The following GRID1 variants were observed in gnomAD, a reference collection of about 807,000 sequenced individuals.
GRID1 encodes glutamate receptor ionotropic, delta-1.
GRID1 carries 28 observed loss-of-function variants against 98.0 expected under a neutral mutation model. That is an observed-to-expected ratio of 0.29 (90% confidence interval 0.21 to 0.39). The LOEUF is 0.39. Ranked by LOEUF, GRID1 falls within the 10% of genes least tolerant of loss-of-function variation. The probability of loss-of-function intolerance (pLI) is 1.00; values close to 1 mark genes in which losing one functional copy is unlikely to be tolerated. For missense variants in GRID1, 1,111 were observed against 1,340.5 expected, an observed-to-expected ratio of 0.83 and a Z score of 2.67; for synonymous variants, 553 against 538.5, an observed-to-expected ratio of 1.03 and a Z score of -0.37.
intron 12 of GRID1, among the ~76,000 whole-genome samples, chr10:85,654,395 A>T (rs1840870108): frequency 6.6e-6 from 1 of 152,380 alleles, no homozygotes; most frequent in Middle Eastern, 3.4e-3. Context: ...AATGCCTGCA[A>T]GACTTCCACT....
chr10:86,066,762 G>T (rs1302283885), intron 4 of GRID1, among the ~76,000 whole-genome samples: 1 of 152,200 alleles, frequency 6.6e-6, no homozygotes, highest in African/African-American at 2.4e-5. Context: ...GGCTCTGTGT[G>T]CTCTTTCCTG....
chr10:86,257,805 C>T (rs1332255302), intron 2 of GRID1, among the ~76,000 whole-genome samples: 1 of 152,164 alleles, frequency 6.6e-6, no homozygotes, highest in African/African-American at 2.4e-5. Context: ...GTGAAGATGA[C>T]ATGAGCGCCA....
intron 4 of GRID1, among the ~76,000 whole-genome samples, chr10:85,960,354 C>T (rs192572544): frequency 2.0e-5 from 3 of 152,372 alleles, no homozygotes; most frequent in African/African-American, 7.2e-5. Flanking sequence ...ACTCTGCCCA[C>T]ACAGACAGGT....
intron 3 of GRID1, among the ~76,000 whole-genome samples, chr10:86,172,652 G>A (rs919472528): frequency 6.6e-6 from 1 of 152,100 alleles, no homozygotes; most frequent in Admixed American, 6.5e-5. Flanking sequence ...CAGGAAACTC[G>A]ATTGATAGTT....
chr10:86,001,865 TGCCAGCAAG>T (rs1469917893), intron 4 of GRID1, among the ~76,000 whole-genome samples: 1 of 152,152 alleles, frequency 6.6e-6, no homozygotes, highest in East Asian at 1.9e-4. Context: ...GAAGTCAAGG[TGCCAGCAAG>T]GCCGTGCTCC....
At chr10:86,131,816 TG>T (rs1844842664) in intron 4 of GRID1, among the ~76,000 whole-genome samples, 1 of 152,138 alleles carries the variant, frequency 6.6e-6, no homozygotes, top group Admixed American at 6.5e-5. Context: ...ATTTGCCCAG[TG>T]GGCAATCGAA....
chr10:85,682,028 C>T (rs566497160), intron 12 of GRID1, among the ~76,000 whole-genome samples: 3 of 152,066 alleles, frequency 2.0e-5, no homozygotes, highest in African/African-American at 7.2e-5. Flanking sequence ...AAGCAGCAGA[C>T]AGCAACAGAT....
chr10:85,897,622 A>C (rs1841311925), intron 5 of GRID1, among the ~76,000 whole-genome samples: 1 of 152,214 alleles, frequency 6.6e-6, no homozygotes. Flanking sequence ...TGATGGTGAC[A>C]AATAAAATGT....
chr10:86,010,311 T>C (rs1033125285), intron 4 of GRID1, among the ~76,000 whole-genome samples: 2 of 152,150 alleles, frequency 1.3e-5, no homozygotes, highest in Non-Finnish European at 2.9e-5. Context: ...ATTGGGGCTA[T>C]AGCAGCGAAC....
chr10:86,058,015 T>A (rs545437013), intron 4 of GRID1, among the ~76,000 whole-genome samples: 3 of 152,026 alleles, frequency 2.0e-5, no homozygotes, highest in Non-Finnish European at 4.4e-5. Context: ...AGGTTAGGTG[T>A]CCCCAGAAGC....
intron 12 of GRID1, among the ~76,000 whole-genome samples, chr10:85,704,480 A>T (rs1274292559): frequency 1.3e-5 from 2 of 152,194 alleles, no homozygotes; most frequent in African/African-American, 4.8e-5. Context: ...AAGTCCTTAG[A>T]GACCTAGAAA....
intron 9 of GRID1, 95 bp from the exon 10 acceptor site, chr10:85,728,147 A>G: frequency 4.2e-6 from 4 of 948,006 alleles, no homozygotes; most frequent in Non-Finnish European, 6.8e-6. Flanking sequence ...TGATTAGAAC[A>G]TTTGCAGTTC....
chr10:86,165,529 C>T (rs191102937), intron 3 of GRID1, among the ~76,000 whole-genome samples: 2 of 152,306 alleles, frequency 1.3e-5, no homozygotes, highest in East Asian at 3.9e-4. Context: ...AGGGCCCACC[C>T]CTGCTGAAGC....
At chr10:86,145,563 C>G (rs72835282) in intron 3 of GRID1, among the ~76,000 whole-genome samples, 1 of 81,856 alleles carries the variant, frequency 1.2e-5, no homozygotes, top group Non-Finnish European at 2.2e-5. Context: ...CACACACACA[C>G]ACACACACCC....
chr10:86,111,468 T>G (rs1844483162), intron 4 of GRID1, among the ~76,000 whole-genome samples: 1 of 152,164 alleles, frequency 6.6e-6, no homozygotes, highest in Non-Finnish European at 1.5e-5. Flanking sequence ...CCCCAATCAC[T>G]GAAGTTATTT....
intron 2 of GRID1, among the ~76,000 whole-genome samples, chr10:86,300,794 C>T (rs1387544003): frequency 1.3e-5 from 2 of 152,088 alleles, no homozygotes; most frequent in Admixed American, 1.3e-4. Context: ...CCGCTCCACC[C>T]TGATGCAGCC....
At chr10:85,907,040 T>C (rs1052021703) in intron 5 of GRID1, among the ~76,000 whole-genome samples, 1 of 152,174 alleles carries the variant, frequency 6.6e-6, no homozygotes, top group Non-Finnish European at 1.5e-5. Flanking sequence ...AAATCACATG[T>C]CTACAGATTC....
At chr10:86,126,192 A>G (rs1391851965) in intron 4 of GRID1, among the ~76,000 whole-genome samples, 3 of 152,102 alleles carry the variant, frequency 2.0e-5, no homozygotes. Flanking sequence ...GTGGTGGCTC[A>G]CGCCTGTAAT....
At chr10:86,321,720 G>A (rs1006418595) in intron 2 of GRID1, among the ~76,000 whole-genome samples, 5 of 152,158 alleles carry the variant, frequency 3.3e-5, no homozygotes, top group Admixed American at 1.3e-4. Context: ...AAAAGCAACT[G>A]CCCGCAGGCA....
Sources: gnomAD v4.1 joint callset for allele counts (sites outside exome capture counted in the v4.1 genomes callset) on GRCh38, gnomAD v4.1.1 for gene constraint, MANE v1.5 for transcripts, NCBI Gene and HGNC (gene_info 2026-07-23, HGNC 2026-07-21) for gene names.